Variants in RANBP2 observed in about 807,000 individuals in gnomAD.
RANBP2 encodes RAN binding protein 2.
In RANBP2, 57 loss-of-function variants were observed where a neutral mutation model predicts 303.6. The ratio of observed to expected loss-of-function variants is 0.19; its 90% CI spans 0.15 to 0.23. RANBP2 has a LOEUF of 0.23. Ranked by LOEUF, RANBP2 falls within the 10% of genes least tolerant of loss-of-function variation. The pLI is 1.00. For missense variants in RANBP2, 3,138 were observed against 3,780.8 expected, an observed-to-expected ratio of 0.83 and a Z score of 4.46; for synonymous variants, 1,167 against 1,301.5, an observed-to-expected ratio of 0.90 and a Z score of 2.23.
chr2:108,918,396 T>C, the RANBP2 span, among the ~76,000 whole-genome samples: 1 of 152,178 alleles, frequency 6.6e-6, no homozygotes, highest in Admixed American at 6.5e-5. Flanking sequence ...TTGGGATGCT[T>C]GTTAAGTGCA....
the RANBP2 span, among the ~76,000 whole-genome samples, chr2:109,277,095 C>G: frequency 6.6e-6 from 1 of 152,174 alleles, no homozygotes; most frequent in African/African-American, 2.4e-5. Context: ...CCGGCGGTCC[C>G]TCAACTGTCC....
chr2:109,337,032 A>T, the RANBP2 span, among the ~76,000 whole-genome samples: 1 of 152,232 alleles, frequency 6.6e-6, no homozygotes, highest in African/African-American at 2.4e-5. Context: ...GTATGCTTTG[A>T]TTCAGGCTTA....
the RANBP2 span, among the ~76,000 whole-genome samples, chr2:109,468,855 G>GAA: frequency 1.0e-2 from 647 of 64,792 alleles, 11 homozygotes; most frequent in African/African-American, 0.031. Flanking sequence ...CTCTGTCTCA[G>GAA]AAAAAAAAAA....
chr2:108,865,826 G>A, the RANBP2 span, among the ~76,000 whole-genome samples: 2 of 152,190 alleles, frequency 1.3e-5, no homozygotes, highest in Non-Finnish European at 2.9e-5. Flanking sequence ...AGAGGGCGGG[G>A]TGGCTATAGT....
chr2:109,359,470 A>G, the RANBP2 span, among the ~76,000 whole-genome samples: 4 of 152,294 alleles, frequency 2.6e-5, no homozygotes, highest in Admixed American at 2.6e-4. Context: ...TTTTCCCTAT[A>G]TACATCTTGC....
chr2:108,955,684 C>T, the RANBP2 span, among the ~76,000 whole-genome samples: 3 of 151,704 alleles, frequency 2.0e-5, no homozygotes, highest in Non-Finnish European at 4.4e-5. Flanking sequence ...ATAGCCTGGG[C>T]GACAGAGTGA....
the RANBP2 span, among the ~76,000 whole-genome samples, chr2:109,563,097 G>T: frequency 6.6e-6 from 1 of 152,076 alleles, no homozygotes; most frequent in Non-Finnish European, 1.5e-5. Context: ...TTTTAGTAAA[G>T]ACGGGGTTTC....
the RANBP2 span, chr2:109,616,780 G>T: frequency 1.8e-5 from 3 of 166,994 alleles, no homozygotes; most frequent in East Asian, 5.8e-4. Context: ...CACTATTAAG[G>T]TACACCAGTG....
the RANBP2 span, among the ~76,000 whole-genome samples, chr2:109,245,528 A>T: frequency 6.6e-6 from 1 of 152,216 alleles, no homozygotes. Context: ...AAGTAAATTA[A>T]GTTTTTATTT....
At chr2:109,122,609 C>T in the RANBP2 span, among the ~76,000 whole-genome samples, 1 of 152,202 alleles carries the variant, frequency 6.6e-6, no homozygotes, top group Non-Finnish European at 1.5e-5. Flanking sequence ...GTGGCTCATG[C>T]CTCTAATCTT....
At chr2:109,411,355 AG>A in the RANBP2 span, among the ~76,000 whole-genome samples, 1 of 152,206 alleles carries the variant, frequency 6.6e-6, no homozygotes, top group Non-Finnish European at 1.5e-5. Flanking sequence ...TGCCAGGGTT[AG>A]CAGTGGCTGC....
the RANBP2 span, chr2:108,989,219 T>C: frequency 1.7e-4 from 26 of 152,832 alleles, no homozygotes; most frequent in Admixed American, 1.7e-3. Flanking sequence ...GTCTGCAAGT[T>C]TGGAAACTCA....
the RANBP2 span, among the ~76,000 whole-genome samples, chr2:108,822,974 C>A: frequency 1.3e-5 from 2 of 152,082 alleles, no homozygotes; most frequent in Admixed American, 6.6e-5. Flanking sequence ...ATCTTGCAAG[C>A]AATGCCACAG....
At chr2:109,447,738 C>T in the RANBP2 span, among the ~76,000 whole-genome samples, 1 of 152,210 alleles carries the variant, frequency 6.6e-6, no homozygotes, top group Non-Finnish European at 1.5e-5. Flanking sequence ...ATTACTAACA[C>T]ACATAGTAGC....
the RANBP2 span, among the ~76,000 whole-genome samples, chr2:108,825,567 G>A: frequency 2.6e-4 from 39 of 152,146 alleles, no homozygotes; most frequent in African/African-American, 8.4e-4. Flanking sequence ...CGTACAATAC[G>A]TAGTGTTCCG....
the RANBP2 span, among the ~76,000 whole-genome samples, chr2:109,036,188 T>C: frequency 0.84 from 128,325 of 152,230 alleles, 56,841 homozygotes; most frequent in Non-Finnish European, 0.97. Context: ...ACAACCTGAA[T>C]AGTTCCATAG....
At chr2:109,438,647 C>T in the RANBP2 span, among the ~76,000 whole-genome samples, 3 of 152,214 alleles carry the variant, frequency 2.0e-5, no homozygotes, top group African/African-American at 7.2e-5. Flanking sequence ...TTACCTGGTG[C>T]CCAAGCCCAC....
chr2:109,511,039 A>T, the RANBP2 span, among the ~76,000 whole-genome samples: 9 of 152,198 alleles, frequency 5.9e-5, no homozygotes, highest in Non-Finnish European at 1.2e-4. Context: ...TGAAGTAGGA[A>T]TTATGACCAT....
At chr2:109,314,958 CCA>C in the RANBP2 span, among the ~76,000 whole-genome samples, 1 of 152,126 alleles carries the variant, frequency 6.6e-6, no homozygotes, top group East Asian at 1.9e-4. Flanking sequence ...TTGGCAAAGC[CCA>C]CAGTTTGAGA....
Sources: allele counts gnomAD v4.1 joint callset (sites outside exome capture counted in the v4.1 genomes callset), GRCh38; gene constraint gnomAD v4.1.1; transcripts MANE v1.5; gene names NCBI Gene and HGNC (gene_info 2026-07-23, HGNC 2026-07-21).